IZUMO3: variants seen among roughly 807,000 people sequenced by gnomAD.
IZUMO3 encodes the protein izumo sperm-egg fusion protein 3.
A neutral mutation model predicts 28.4 loss-of-function variants in IZUMO3; 36 were observed. The observed-to-expected ratio is 1.27, with a 90% CI of 0.97 to 1.67. The LOEUF is 1.67. Among genes scored for constraint, IZUMO3 ranks in the 40% most tolerant of loss-of-function variants. IZUMO3 has a pLI of 0.00. For missense variants in IZUMO3, 387 were observed against 278.5 expected (o/e 1.39, Z -2.77); for synonymous variants, 126 against 99.2 (o/e 1.27, Z -1.61).
chr9:24,545,829 T>C lies in IZUMO3; in HGVS notation c.-180A>G, dbSNP rs763115862. ...GTTGTTTAGTTTAATGATCTTTAGT[T>C]GTTTACTGACTATTATCCTTCATTC... is the stretch of plus-strand genomic sequence containing the variant. On this transcript the variant is annotated 5_prime_UTR_variant, in exon 1 of 7. Coordinates refer to ENST00000543880, the MANE Select transcript of IZUMO3 (RefSeq NM_001365008.2). 7 of 1,542,946 alleles carry C rather than the reference T, an allele frequency of 4.5e-6. No homozygotes were observed. The highest frequency in any genetic ancestry group is 6.1e-6 in the Non-Finnish European group (7 of 1,143,538).
Position 24,545,469 on chromosome 9 carries a change from A to C in IZUMO3, c.181T>G (p.Leu61Val), listed in dbSNP as rs761338619. Reference sequence around the variant, plus strand: ...TCACTGTGGGAGACCTTGAAGCTTAAATGAATCATCTCCTTAATCTGCCGT... The same window carrying C: ...TCACTGTGGGAGACCTTGAAGCTTACATGAATCATCTCCTTAATCTGCCGT... ...LERQIKEMIHLSFKVSHSDKR... is the reference protein window; with the variant it reads ...LERQIKEMIHVSFKVSHSDKR... The change falls in exon 1 of 7, where the codon TTA becomes GTA. Residue 61 changes from leucine (L) to valine (V), a missense_variant. Leu to Val is a conservative substitution (Grantham distance 32). Coordinates refer to ENST00000543880, the MANE Select transcript of IZUMO3 (RefSeq NM_001365008.2). 1 of 1,536,300 alleles carries C rather than the reference A, an allele frequency of 6.5e-7. No homozygotes were observed. The highest frequency in any genetic ancestry group is 1.2e-5 in the South Asian group (1 of 84,044).
Position 24,545,475 on chromosome 9 carries a change from T to A in IZUMO3, c.175A>T (p.Ile59Phe), listed in dbSNP as rs1819570779. 1 of 1,535,934 alleles carries A rather than the reference T, an allele frequency of 6.5e-7. No homozygotes were observed. The highest frequency in any genetic ancestry group is 8.7e-7 in the Non-Finnish European group (1 of 1,146,730). ...TGGGAGACCTTGAAGCTTAAATGAA[T>A]CATCTCCTTAATCTGCCGTTCAAGC... is the stretch of plus-strand genomic sequence containing the variant. ...QLLERQIKEM[I>F]HLSFKVSHSD... Residue 59 changes from isoleucine (I) to phenylalanine (F), a missense_variant, in exon 1 of 7, where the codon ATT becomes TTT. Physicochemically the swap from Ile to Phe is conservative, Grantham distance 21. Transcript: ENST00000543880.
At chr9:24,543,566 C>A (rs1168274859) in intron 6 of IZUMO3, 98 bp downstream of exon 6, 10 of 916,960 alleles carry the variant, frequency 1.1e-5, no homozygotes, top group African/African-American at 3.6e-5. Flanking sequence ...AAAATGACTT[C>A]TTTTGCTTTA....
chr9:24,544,957 G>C lies in IZUMO3; in HGVS notation c.391+15C>G. Reference sequence around the variant, plus strand: ...CATATAACTTCAGTGCTGTTATATAGAAAGTTTTACTTACCAATTTCAGAG... The same window carrying C: ...CATATAACTTCAGTGCTGTTATATACAAAGTTTTACTTACCAATTTCAGAG... On this transcript the variant is annotated intron_variant, in intron 3 of 6. Coordinates refer to ENST00000543880, the MANE Select transcript of IZUMO3 (RefSeq NM_001365008.2). The C allele has an allele frequency of 6.6e-7, 1 of 1,523,898 alleles. No individual in the cohort carries two copies. Among genetic ancestry groups the C allele is most frequent in the Non-Finnish European group, 8.9e-7 (1 of 1,122,934 alleles). The allele number at this position is 1,523,898 out of a possible 1,614,324, so 94.4% of individuals were successfully genotyped here. A position where few individuals can be genotyped will look rare whatever the true frequency, so the allele number is the denominator to read the frequency against.
At position 24,545,041 on chromosome 9, in the gene IZUMO3, T is replaced by A. The variant is rs1195701534; in HGVS notation, c.322A>T (p.Lys108Ter). ...TWKGVFIYQG[K>*]LLDVCQNLES... ...AGGTTTTGGCAGACATCGAGAAGCT[T>A]GCCTTGATAGATAAAGACACCTAAG... Residue 108 changes from lysine (K) to a stop codon, truncating the protein, a stop_gained, in exon 3 of 7, where the codon AAG becomes TAG. Coordinates refer to ENST00000543880, the MANE Select transcript of IZUMO3 (RefSeq NM_001365008.2). LOFTEE classifies it high-confidence loss of function. 6.4e-7 allele frequency: 1 copy of A among 1,550,426 alleles called. No individual in the cohort carries two copies. Among genetic ancestry groups the A allele is most frequent in the Admixed American group, 2.0e-5 (1 of 50,992 alleles).
At chr9:24,544,485 G>A (rs1224943898) in intron 4 of IZUMO3, among the ~76,000 whole-genome samples, 1 of 152,126 alleles carries the variant, frequency 6.6e-6, no homozygotes, top group Non-Finnish European at 1.5e-5. Flanking sequence ...AGCGGGAAAA[G>A]GATGCCTCAG....
In IZUMO3 at chr9:24,543,102, CTCTAAGT is replaced by C. The variant is rs1261583876; in HGVS notation, c.*120_*126del. On this transcript the variant is annotated 3_prime_UTR_variant, in exon 7 of 7. Transcript: ENST00000543880. ...TCAATAAGCATTTTCATTAGAGAAA[CTCTAAGT>C]TCTATTTCAGTTTTAAAATACTATG... 9.2e-5 allele frequency: 67 copies of C among 730,622 alleles called. No homozygotes were observed. Among genetic ancestry groups the C allele is most frequent in the Admixed American group, 7.4e-4 (20 of 26,986 alleles). 45.3% of individuals were successfully genotyped at this position (730,622 alleles called of 1,614,324 possible). A position where few individuals can be genotyped will look rare whatever the true frequency, so the allele number is the denominator to read the frequency against.
At chr9:24,545,356 G>A (rs991134088) in intron 1 of IZUMO3, 68 bp downstream of exon 1, 2 of 1,546,892 alleles carry the variant, frequency 1.3e-6, no homozygotes, top group South Asian at 1.2e-5. Context: ...GTAGACCCAG[G>A]TGTTCTCTTC....
rs1819558475 is a variant in IZUMO3, at chr9:24,545,070, G to A, written c.302-9C>T. ...TTGATAGATAAAGACACCTAAGAGG[G>A]AGTGGAAGGGGTGTCAAAAAATAGA... On this transcript the variant is annotated splice_polypyrimidine_tract_variant and intron_variant, in intron 2 of 6. Transcript: ENST00000543880. 4 of 1,529,736 alleles carry A rather than the reference G, an allele frequency of 2.6e-6. No individual in the cohort carries two copies. Among genetic ancestry groups the A allele is most frequent in the Non-Finnish European group, 3.5e-6 (4 of 1,127,912 alleles). The allele number at this position is 1,529,736 out of a possible 1,614,324, so 94.8% of individuals were successfully genotyped here.
intron 6 of IZUMO3, 45 bp downstream of exon 6, chr9:24,543,619 A>G (rs1819512136): frequency 7.3e-7 from 1 of 1,372,190 alleles, no homozygotes; most frequent in Non-Finnish European, 1.0e-6. Context: ...TCTCTTGGCA[A>G]AAGGAATATT....
rs1819579171 is a variant in IZUMO3, at chr9:24,545,721, A to G, written c.-72T>C. The G allele has an allele frequency of 1.3e-6, 2 of 1,532,880 alleles. No individual in the cohort carries two copies. The highest frequency in any genetic ancestry group is 1.8e-6 in the Non-Finnish European group (2 of 1,142,722). The allele number at this position is 1,532,880 out of a possible 1,614,324, so 95.0% of individuals were successfully genotyped here. A position where few individuals can be genotyped will look rare whatever the true frequency, so the allele number is the denominator to read the frequency against. On this transcript the variant is annotated 5_prime_UTR_variant, in exon 1 of 7. Transcript: ENST00000543880. ...AGTTCACTTAGTTCCTTTTCCTTCAAAAATCCGGGAATGAGAGCCTGGTTC... is the reference window on the plus strand; with the variant it reads ...AGTTCACTTAGTTCCTTTTCCTTCAGAAATCCGGGAATGAGAGCCTGGTTC...
Position 24,545,740 on chromosome 9 carries a change from C to T in IZUMO3, c.-91G>A. 4.6e-6 allele frequency: 7 copies of T among 1,534,268 alleles called. No homozygotes were observed. The highest frequency in any genetic ancestry group is 6.1e-6 in the Non-Finnish European group (7 of 1,141,778). On this transcript the variant is annotated 5_prime_UTR_variant, in exon 1 of 7. Coordinates refer to ENST00000543880, the MANE Select transcript of IZUMO3 (RefSeq NM_001365008.2). ...CCTTCAAAAATCCGGGAATGAGAGC[C>T]TGGTTCTGGATAGTCTGACTCCACT...
rs1191866138 is a variant in IZUMO3, at chr9:24,543,381, A to T, written c.582-14T>A. On this transcript the variant is annotated splice_polypyrimidine_tract_variant and intron_variant, in intron 6 of 6. Transcript: ENST00000543880. ...CAAAAATGGAATCTAGAGTAGGAAA[A>T]GAAAATAATTCCAACTTCAATATCA... 7.2e-6 allele frequency: 11 copies of T among 1,534,640 alleles called. No homozygotes were observed. Among genetic ancestry groups the T allele is most frequent in the Non-Finnish European group, 9.6e-6 (11 of 1,140,328 alleles).
In IZUMO3 at chr9:24,544,252, A is replaced by G. The variant is rs1030114313; in HGVS notation, c.439T>C (p.Trp147Arg). 1 of 1,550,356 alleles carries G rather than the reference A, an allele frequency of 6.5e-7. No homozygotes were observed. The change falls in exon 5 of 7, where the codon TGG becomes CGG. Residue 147 changes from tryptophan to arginine, a missense_variant. Trp to Arg is a moderately radical substitution (Grantham distance 101). Coordinates refer to ENST00000543880, the MANE Select transcript of IZUMO3 (RefSeq NM_001365008.2). ...CTGTTAGTCATGCGAAGACACGTCC[A>G]ACAATCAAGAATGGGACCTTCAACC... ...IVVEGPILDCWTCLRMTNRCF... is the reference protein window; with the variant it reads ...IVVEGPILDCRTCLRMTNRCF...
In IZUMO3 at chr9:24,544,253, A is replaced by G. The variant is rs1403150367; in HGVS notation, c.438T>C (p.Cys146=). The G allele has an allele frequency of 6.5e-7, 1 of 1,550,294 alleles. No homozygotes were observed. The highest frequency in any genetic ancestry group is 2.4e-5 in the East Asian group (1 of 40,902). The change falls in exon 5 of 7, where the codon TGT becomes TGC. Residue 146 remains cysteine, a synonymous_variant. Transcript: ENST00000543880. The part of the protein sequence containing the change: ...CIVVEGPILD[C]WTCLRMTNRC... ...TGTTAGTCATGCGAAGACACGTCCAACAATCAAGAATGGGACCTTCAACCA... is the reference window on the plus strand; with the variant it reads ...TGTTAGTCATGCGAAGACACGTCCAGCAATCAAGAATGGGACCTTCAACCA...
intron 4 of IZUMO3, among the ~76,000 whole-genome samples, chr9:24,544,537 C>G (rs1482914995): frequency 6.6e-6 from 1 of 152,070 alleles, no homozygotes. Flanking sequence ...TGTTAGAAGG[C>G]CTCCTAGTAC....
chr9:24,545,553 C>A lies in IZUMO3; in HGVS notation c.97G>T (p.Gly33Cys). ...ECDPKFIEDV[G>C]SLLGNLIPSE... ...GGTATCAGATTTCCCAGCAAGGAGC[C>A]AACATCCTCTATAAATTTGGGGTCA... Residue 33 changes from glycine to cysteine, a missense_variant, in exon 1 of 7, where the codon GGC becomes TGC. Coordinates refer to ENST00000543880, the MANE Select transcript of IZUMO3 (RefSeq NM_001365008.2). 1 of 1,535,360 alleles carries A rather than the reference C, an allele frequency of 6.5e-7. No homozygotes were observed. The highest frequency in any genetic ancestry group is 1.2e-5 in the South Asian group (1 of 84,054).
chr9:24,543,143 A>T lies in IZUMO3; in HGVS notation c.*86T>A. The T allele has an allele frequency of 1.9e-6, 2 of 1,064,116 alleles. No individual in the cohort carries two copies. The highest frequency in any genetic ancestry group is 3.3e-5 in the African/African-American group (2 of 61,220). 65.9% of individuals were successfully genotyped at this position (1,064,116 alleles called of 1,614,324 possible). ...AGTTTTAAAATACTATGACTTTATG[A>T]CCAAGAAAGGGTTTACCTCCCAGTT... On this transcript the variant is annotated 3_prime_UTR_variant, in exon 7 of 7. Coordinates refer to ENST00000543880, the MANE Select transcript of IZUMO3 (RefSeq NM_001365008.2).
chr9:24,545,161 C>T (rs1819561739), intron 2 of IZUMO3, 51 bp downstream of exon 2: 4 of 1,521,070 alleles, frequency 2.6e-6, no homozygotes, highest in South Asian at 1.2e-5. Context: ...GCCAAATTTT[C>T]TGAGGCTTGC....
Sources: allele counts gnomAD v4.1 joint callset (sites outside exome capture counted in the v4.1 genomes callset), GRCh38; gene constraint gnomAD v4.1.1; transcripts MANE v1.5; gene names NCBI Gene and HGNC (gene_info 2026-07-23, HGNC 2026-07-21).